TRMT11: variants seen among roughly 807,000 people sequenced by gnomAD.
The protein encoded by TRMT11 is tRNA (guanine(10)-N(2))-methyltransferase TRMT11.
In TRMT11, 53 loss-of-function variants were observed where a neutral mutation model predicts 62.8. That is an observed-to-expected ratio of 0.84 (90% CI 0.68 to 1.06). TRMT11 has a LOEUF of 1.06. TRMT11 is among the 50% of genes least tolerant of loss of function. The pLI, the probability that TRMT11 is intolerant of heterozygous loss-of-function variation, is 0.00. For synonymous variants in TRMT11, 188 were observed against 190.3 expected (o/e 0.99, Z 0.10); for missense variants, 556 against 553.4 (o/e 1.00, Z -0.05).
At chr6:125,988,138 G>T (rs1037568939) in intron 1 of TRMT11, among the ~76,000 whole-genome samples, 7 of 152,192 alleles carry the variant, frequency 4.6e-5, no homozygotes, top group Admixed American at 1.3e-4. Context: ...AGGAAGCAGG[G>T]ACAAATGGAT....
At chr6:126,042,952 TG>T (rs1775922786), downstream of TRMT11, among the ~76,000 whole-genome samples, 1 of 152,192 alleles carries the variant, frequency 6.6e-6, no homozygotes, top group Non-Finnish European at 1.5e-5. Flanking sequence ...TTAAAATTTG[TG>T]TATAAATCTT....
intron 21 of TRMT11, among the ~76,000 whole-genome samples, chr6:126,167,218 G>A (rs1977512): frequency 0.25 from 38,014 of 152,096 alleles, 5,041 homozygotes; most frequent in African/African-American, 0.31. Context: ...CCAGTTTTGT[G>A]CTTGAAACCC....
the TRMT11 span, among the ~76,000 whole-genome samples, chr6:126,221,272 T>C: frequency 6.6e-6 from 1 of 152,218 alleles, no homozygotes; most frequent in East Asian, 1.9e-4. Context: ...TTTGGGTATA[T>C]ACCCAGTAAT....
At chr6:126,241,067 A>T in the TRMT11 span, among the ~76,000 whole-genome samples, 1 of 152,338 alleles carries the variant, frequency 6.6e-6, no homozygotes, top group East Asian at 1.9e-4. Context: ...AAAGCGCAGT[A>T]TTAGGGTGGA....
At chr6:126,189,110 C>T (rs774521944) in intron 1 of TRMT11, among the ~76,000 whole-genome samples, 12 of 151,976 alleles carry the variant, frequency 7.9e-5, no homozygotes, top group Non-Finnish European at 1.5e-4. Context: ...AGGGATTTGG[C>T]GAAGGGGTTA....
chr6:126,042,040 A>G (rs547964078), downstream of TRMT11, among the ~76,000 whole-genome samples: 1 of 152,336 alleles, frequency 6.6e-6, no homozygotes, highest in South Asian at 2.1e-4. Flanking sequence ...TCCAGAACAT[A>G]CACATGGAGA....
the TRMT11 span, among the ~76,000 whole-genome samples, chr6:126,238,598 T>C: frequency 6.6e-6 from 1 of 152,190 alleles, no homozygotes; most frequent in African/African-American, 2.4e-5. Flanking sequence ...ATTTCTGTTC[T>C]TTTACATTTG....
At chr6:125,995,880 G>A in intron 2 of TRMT11, 87 bp from the exon 3 acceptor site, 2 of 784,830 alleles carry the variant, frequency 2.5e-6, no homozygotes, top group South Asian at 1.5e-5. Flanking sequence ...TAGCAAATAG[G>A]CACTTCTCCT....
intron 17 of TRMT11, among the ~76,000 whole-genome samples, chr6:126,074,694 C>A (rs1207260565): frequency 6.6e-6 from 1 of 151,956 alleles, no homozygotes; most frequent in African/African-American, 2.4e-5. Context: ...AATGTGCATC[C>A]AAAATGACAA....
At chr6:126,161,293 C>A (rs1047701239) in intron 21 of TRMT11, among the ~76,000 whole-genome samples, 1 of 152,000 alleles carries the variant, frequency 6.6e-6, no homozygotes, top group African/African-American at 2.4e-5. Flanking sequence ...CATATGTTCT[C>A]ATTGTTCAAC....
intron 8 of TRMT11, 41 bp from the exon 9 acceptor site, chr6:126,011,212 T>A: frequency 2.0e-6 from 3 of 1,505,116 alleles, no homozygotes; most frequent in Non-Finnish European, 2.7e-6. Context: ...ATAAGAATAC[T>A]CTGTTTAATA....
At position 126,035,615 on chromosome 6, in the gene TRMT11, C is replaced by T. The variant is rs941003654; in HGVS notation, c.1261-3090C>T. On this transcript the variant is annotated intron_variant, in intron 12 of 12. Coordinates refer to ENST00000334379, the MANE Select transcript of TRMT11 (RefSeq NM_001031712.3). ...CCAGTAGCATGTATGTCTTTGCCAC[C>T]GTGTCCCCATAGCACTGAATAGAAC... Among the ~76,000 whole-genome samples, 6 of 152,078 alleles carry T rather than the reference C, an allele frequency of 3.9e-5. No homozygotes were observed. The South Asian group carries it at 6.2e-4, about 16-fold the overall frequency.
chr6:126,177,257 C>G lies in TRMT11; in HGVS notation n.65C>G, dbSNP rs1020603706. The G allele has an allele frequency of 2.0e-5, 3 of 152,008 alleles. No individual in the cohort carries two copies. In the South Asian group the frequency reaches 6.2e-4, roughly 32 times the overall value. 9.4% of individuals were successfully genotyped at this position (152,008 alleles called of 1,614,324 possible). A position where few individuals can be genotyped will look rare whatever the true frequency, so the allele number is the denominator to read the frequency against. ...TGGACTGAATTGTAGTGCCATAAAC[C>G]AAGCTTTTCAAAAAGATTGGATGCA... On this transcript the variant is annotated non_coding_transcript_exon_variant, in exon 1 of 4. Coordinates refer to the TRMT11 transcript ENST00000444229.
intron 17 of TRMT11, among the ~76,000 whole-genome samples, chr6:126,057,128 T>C (rs1332301447): frequency 6.6e-6 from 1 of 152,246 alleles, no homozygotes; most frequent in Non-Finnish European, 1.5e-5. Context: ...TTGAGCATTA[T>C]CTTTCTTTTG....
At chr6:126,035,475 A>G (rs758265225) in intron 12 of TRMT11, among the ~76,000 whole-genome samples, 1 of 152,146 alleles carries the variant, frequency 6.6e-6, no homozygotes, top group South Asian at 2.1e-4. Flanking sequence ...ACATTTTAGC[A>G]CAGAACCCAA....
intron 17 of TRMT11, among the ~76,000 whole-genome samples, chr6:126,093,614 TATATATATATATATATA>T: frequency 1.1e-5 from 1 of 93,284 alleles, no homozygotes; most frequent in East Asian, 2.9e-4. Flanking sequence ...TATATATATA[TATATATATATATATATA>T]TTTTCCCCCA....
intron 16 of TRMT11, among the ~76,000 whole-genome samples, chr6:126,048,234 G>A (rs1217193987): frequency 6.6e-6 from 1 of 152,198 alleles, no homozygotes; most frequent in Admixed American, 6.5e-5. Context: ...CCATTTCAAT[G>A]GACTGCAATG....
At chr6:126,151,531 A>T (rs543494116) in intron 21 of TRMT11, among the ~76,000 whole-genome samples, 67 of 152,308 alleles carry the variant, frequency 4.4e-4, no homozygotes, top group African/African-American at 1.6e-3. Flanking sequence ...TTACACTTAG[A>T]GCTCAGGGTA....
chr6:125,992,724 T>C (rs1790823358), intron 1 of TRMT11, among the ~76,000 whole-genome samples: 1 of 152,242 alleles, frequency 6.6e-6, no homozygotes, highest in South Asian at 2.1e-4. Context: ...GTCTATTTAA[T>C]TTCTAAGTCT....
Sources: gnomAD v4.1 joint callset for allele counts (sites outside exome capture counted in the v4.1 genomes callset) on GRCh38, gnomAD v4.1.1 for gene constraint, MANE v1.5 for transcripts, NCBI Gene and HGNC (gene_info 2026-07-23, HGNC 2026-07-21) for gene names.